The following PCDHA13 variants were observed in gnomAD, a reference collection of about 807,000 sequenced individuals.
The protein encoded by PCDHA13 is protocadherin alpha-13.
Under a neutral mutation model 64.8 loss-of-function variants are expected in PCDHA13, and 54 were observed. That is an observed-to-expected ratio of 0.83 (90% confidence interval 0.67 to 1.04). The LOEUF is 1.04. Ranked by LOEUF, PCDHA13 falls within the 50% of genes least tolerant of loss-of-function variation. The pLI is 0.00. For missense variants in PCDHA13, 1,248 were observed against 1,254.3 expected (o/e 0.99, Z 0.08); for synonymous variants, 587 against 564.4 (o/e 1.04, Z -0.57).
rs562713934 is a variant in PCDHA13, at chr5:140,967,172, G to A, written c.2395-11777G>A. 1.1e-5 allele frequency: 17 copies of A among 1,612,080 alleles called. No individual in the cohort carries two copies. The highest frequency in any genetic ancestry group is 2.2e-5 in the East Asian group (1 of 44,778). On this transcript the variant is annotated intron_variant, in intron 1 of 3. Coordinates refer to ENST00000289272, the MANE Select transcript of PCDHA13 (RefSeq NM_018904.3). ...CCCCGTGGCGGTGAGCGCCGTTGAG[G>A]TGGAAATATTGGACATCAACGACAA...
At chr5:140,948,371 T>G (rs1310252601) in intron 1 of PCDHA13, among the ~76,000 whole-genome samples, 1 of 151,586 alleles carries the variant, frequency 6.6e-6, no homozygotes, top group Non-Finnish European at 1.5e-5. Flanking sequence ...TTAGGAGGTG[T>G]TCCTTCCTCT....
chr5:140,928,824 A>C (rs782336122), intron 1 of PCDHA13: 2 of 1,614,110 alleles, frequency 1.2e-6, no homozygotes, highest in Non-Finnish European at 1.7e-6. Flanking sequence ...ATGGAGACCC[A>C]CCACTTTCCT....
At chr5:140,944,028 A>T (rs1341498532) in intron 1 of PCDHA13, among the ~76,000 whole-genome samples, 1 of 152,222 alleles carries the variant, frequency 6.6e-6, no homozygotes, top group African/African-American at 2.4e-5. Context: ...TATCTTCAAA[A>T]TATGGAAAAC....
At chr5:140,980,623 T>C (rs1554242045) in intron 2 of PCDHA13, among the ~76,000 whole-genome samples, 1 of 152,102 alleles carries the variant, frequency 6.6e-6, no homozygotes, top group African/African-American at 2.4e-5. Flanking sequence ...TGCGAGACTC[T>C]GTCTCAGAAG....
At chr5:140,979,350 A>T (rs113796939) in intron 2 of PCDHA13, among the ~76,000 whole-genome samples, 1,685 of 150,698 alleles carry the variant, frequency 0.011, 22 homozygotes, top group East Asian at 0.044. Flanking sequence ...TGTAATTAAT[A>T]CTCATGCTTT....
chr5:140,919,706 C>T (rs2079272649), intron 1 of PCDHA13, among the ~76,000 whole-genome samples: 1 of 152,048 alleles, frequency 6.6e-6, no homozygotes, highest in African/African-American at 2.4e-5. Flanking sequence ...TAACTTAATT[C>T]TAGTGAGATA....
chr5:140,928,293 G>GT (rs2085123670), intron 1 of PCDHA13: 1 of 1,614,032 alleles, frequency 6.2e-7, no homozygotes, highest in South Asian at 1.1e-5. Context: ...TAGGCCGAGT[G>GT]TTTGCCCAGG....
rs376660293 is a variant in PCDHA13 at position 141,011,766 on chromosome 5, A to C, written c.*1829A>C. ...ACCAATCTGACCTCTTTGAAGTTGCAGAATGCTTTGAAATTCTAATGGTAT... is the reference window on the plus strand; with the variant it reads ...ACCAATCTGACCTCTTTGAAGTTGCCGAATGCTTTGAAATTCTAATGGTAT... On this transcript the variant is annotated 3_prime_UTR_variant, in exon 4 of 4. Transcript: ENST00000289272. 2.6e-5 allele frequency: 4 copies of C among 153,796 alleles called. No homozygotes were observed. Among genetic ancestry groups the C allele is most frequent in the Non-Finnish European group, 5.9e-5 (4 of 68,044 alleles). 9.5% of individuals were successfully genotyped at this position (153,796 alleles called of 1,614,324 possible).
At chr5:140,998,055 T>C (rs2097794971) in intron 3 of PCDHA13, among the ~76,000 whole-genome samples, 1 of 152,190 alleles carries the variant, frequency 6.6e-6, no homozygotes, top group Non-Finnish European at 1.5e-5. Flanking sequence ...AGTGACATCA[T>C]CATCAACAGA....
In PCDHA13 at chr5:140,882,846, C is replaced by T. The variant is rs1554175786; in HGVS notation, c.578C>T (p.Ser193Leu). The T allele has an allele frequency of 2.5e-6, 4 of 1,614,188 alleles. No homozygotes were observed. Among genetic ancestry groups the T allele is most frequent in the Non-Finnish European group, 3.4e-6 (4 of 1,180,042 alleles). The change falls in exon 1 of 4, where the codon TCA (serine) becomes TTA (leucine). Residue 193 changes from serine (S) to leucine (L), a missense_variant. By Grantham distance (145) the Ser-to-Leu change is moderately radical. Coordinates refer to ENST00000289272, the MANE Select transcript of PCDHA13 (RefSeq NM_018904.3). ...AGTCTTGAGCAAATGTCTTCATTAT[C>T]ACTTGTACTGAGGAAAACACTGGAC... Reference protein sequence around the residue: ...QNSLEQMSSLSLVLRKTLDRE... With the variant: ...QNSLEQMSSLLLVLRKTLDRE...
At chr5:140,907,590 C>A (rs924020141) in intron 1 of PCDHA13, among the ~76,000 whole-genome samples, 11 of 152,210 alleles carry the variant, frequency 7.2e-5, no homozygotes, top group Non-Finnish European at 1.6e-4. Flanking sequence ...TGGCTGATCA[C>A]CCTGAGGAAT....
At position 140,895,904 on chromosome 5, in the gene PCDHA13, C is replaced by A. The variant is rs956599707; in HGVS notation, c.2394+11242C>A. Among the ~76,000 whole-genome samples, 7 of 152,138 alleles carry A rather than the reference C, an allele frequency of 4.6e-5. No homozygotes were observed. In the South Asian group the frequency reaches 1.5e-3, roughly 32 times the overall value. On this transcript the variant is annotated intron_variant, in intron 1 of 3. Transcript: ENST00000289272. ...TCGGCTCACTGCAACCTCCGCGTCC[C>A]GGGCTCAACAATTATCCTGCCTCAG...
chr5:140,966,659 G>T, intron 1 of PCDHA13: 1 of 1,217,656 alleles, frequency 8.2e-7, no homozygotes, highest in South Asian at 2.0e-5. Flanking sequence ...AGCGGTGGGG[G>T]AGCAGGCGCA....
intron 2 of PCDHA13, 91 bp downstream of exon 2, chr5:140,979,098 A>C: frequency 1.3e-6 from 2 of 1,547,480 alleles, no homozygotes; most frequent in East Asian, 2.3e-5. Flanking sequence ...AGCAGCTGTC[A>C]AAACTAAAAA....
chr5:140,934,346 G>T (rs941608404), intron 1 of PCDHA13, among the ~76,000 whole-genome samples: 1 of 152,130 alleles, frequency 6.6e-6, no homozygotes, highest in South Asian at 2.1e-4. Flanking sequence ...CACCAGTACA[G>T]TGTGGAGCCA....
intron 1 of PCDHA13, chr5:140,967,285 G>A (rs150694611): frequency 1.9e-6 from 3 of 1,613,058 alleles, no homozygotes; most frequent in East Asian, 2.2e-5. Context: ...AGAGTGCGCA[G>A]GACCCCGACG....
chr5:140,922,350 G>A (rs2080793001), intron 1 of PCDHA13, among the ~76,000 whole-genome samples: 11 of 152,212 alleles, frequency 7.2e-5, no homozygotes, highest in Admixed American at 7.2e-4. Context: ...GTATTTTCTA[G>A]AGTAGTGATT....
intron 1 of PCDHA13, among the ~76,000 whole-genome samples, chr5:140,976,508 G>A (rs1039409709): frequency 6.6e-6 from 1 of 151,976 alleles, no homozygotes; most frequent in Non-Finnish European, 1.5e-5. Context: ...CCAAGATCGC[G>A]CCACTGCACA....
chr5:141,005,255 CACTGGTGATACATTGGTGAAT>C (rs1319250318), intron 3 of PCDHA13, among the ~76,000 whole-genome samples: 1 of 152,182 alleles, frequency 6.6e-6, no homozygotes, highest in African/African-American at 2.4e-5. Context: ...TTGTGCTAGG[CACTGGTGATACATTGGTGAAT>C]AAACAGATAC....
Sources: allele counts gnomAD v4.1 joint callset (sites outside exome capture counted in the v4.1 genomes callset), GRCh38; gene constraint gnomAD v4.1.1; transcripts MANE v1.5; gene names NCBI Gene and HGNC (gene_info 2026-07-23, HGNC 2026-07-21).